Variants in ZBTB40 observed in about 807,000 individuals in gnomAD.
The protein encoded by ZBTB40 is zinc finger and BTB domain-containing protein 40.
In ZBTB40, 60 loss-of-function variants were observed where a neutral mutation model predicts 117.5. The observed-to-expected ratio is 0.51, with a 90% CI of 0.41 to 0.63. The LOEUF (loss-of-function observed/expected upper bound fraction) is 0.63, where lower values mean the gene tolerates loss of function less well. Ranked by LOEUF, ZBTB40 falls within the 30% of genes least tolerant of loss-of-function variation. The pLI is 0.00. For missense variants in ZBTB40, 1,287 were observed against 1,498.5 expected (o/e 0.86, Z 2.33); for synonymous variants, 525 against 577.1 (o/e 0.91, Z 1.29).
intron 1 of ZBTB40, among the ~76,000 whole-genome samples, chr1:22,482,559 C>A (rs1638352227): frequency 6.6e-6 from 1 of 152,158 alleles, no homozygotes; most frequent in South Asian, 2.1e-4. Context: ...TGGGTTTTGA[C>A]AAATGTATAA....
intron 1 of ZBTB40, among the ~76,000 whole-genome samples, chr1:22,489,570 C>T (rs1257301945): frequency 6.6e-6 from 1 of 152,090 alleles, no homozygotes; most frequent in African/African-American, 2.4e-5. Context: ...TAGGGTGATT[C>T]TCTTGGTCCT....
Position 22,509,159 on chromosome 1 carries a change from G to A in ZBTB40, c.1759G>A (p.Glu587Lys). ...TILRHNQLIL[E>K]AIQQKIEYKL... ...CCTGAGGCATAACCAGTTGATCTTG[G>A]AGGCCATCCAACAGAAGATTGAGTA... Residue 587 changes from glutamate to lysine, a missense_variant, in exon 9 of 18, where the codon GAG becomes AAG. Coordinates refer to ENST00000375647, the MANE Select transcript of ZBTB40 (RefSeq NM_014870.4). 1 of 1,614,068 alleles carries A rather than the reference G, an allele frequency of 6.2e-7. No individual in the cohort carries two copies. The highest frequency in any genetic ancestry group is 8.5e-7 in the Non-Finnish European group (1 of 1,180,014).
chr1:22,467,776 G>GTTT (rs35900750), intron 1 of ZBTB40, among the ~76,000 whole-genome samples: 1 of 130,476 alleles, frequency 7.7e-6, no homozygotes, highest in Non-Finnish European at 1.6e-5. Flanking sequence ...TGTCAGGCCT[G>GTTT]TTTTTTTTTT....
rs1034543680 is a variant in ZBTB40 at position 22,527,342 on chromosome 1, C to G, written c.*946C>G. The G allele has an allele frequency of 3.9e-5, 6 of 152,348 alleles. No homozygotes were observed. The highest frequency in any genetic ancestry group is 1.5e-5 in the Non-Finnish European group (1 of 68,044). 9.4% of individuals were successfully genotyped at this position (152,348 alleles called of 1,614,324 possible). ...GCCGTGACTGCCCGTGGCTCTGCTG[C>G]CGCCCACTCCCTGCCTTGTGAGTGG... On this transcript the variant is annotated 3_prime_UTR_variant, in exon 18 of 18. Transcript: ENST00000375647.
chr1:22,496,137 G>T (rs1474209808), intron 3 of ZBTB40, among the ~76,000 whole-genome samples: 1 of 152,208 alleles, frequency 6.6e-6, no homozygotes, highest in Non-Finnish European at 1.5e-5. Flanking sequence ...TTTGTGAGTG[G>T]CTGGGATACT....
chr1:22,490,733 A>T (rs1237019675), intron 2 of ZBTB40, 88 bp downstream of exon 2: 4 of 1,511,374 alleles, frequency 2.6e-6, no homozygotes, highest in Non-Finnish European at 3.6e-6. Flanking sequence ...ATCAAAGACC[A>T]CTGTTAGGTA....
chr1:22,451,510 T>G (rs1640868491), upstream of ZBTB40, among the ~76,000 whole-genome samples: 1 of 151,452 alleles, frequency 6.6e-6, no homozygotes, highest in African/African-American at 2.4e-5. Context: ...CAGGGCGTGG[T>G]GGCGCGCGCC....
At chr1:22,517,163 G>A (rs573000535) in intron 12 of ZBTB40, 137 bp from the exon 13 acceptor site, 20 of 1,209,304 alleles carry the variant, frequency 1.7e-5, no homozygotes, top group East Asian at 4.7e-5. Flanking sequence ...CTCACCCAGC[G>A]TATTGCAGAC....
chr1:22,514,681 A>T (rs2124463227), intron 12 of ZBTB40, among the ~76,000 whole-genome samples: 1 of 152,192 alleles, frequency 6.6e-6, no homozygotes, highest in African/African-American at 2.4e-5. Context: ...CCTGGTTTCC[A>T]TGCAGTATTT....
In ZBTB40 at chr1:22,464,901, A is replaced by G. The variant is rs78831582; in HGVS notation, c.-70+12897A>G. On this transcript the variant is annotated intron_variant, in intron 1 of 17. Coordinates refer to ENST00000375647, the MANE Select transcript of ZBTB40 (RefSeq NM_014870.4). ...TATTTATATGTAATTTACATACCATAGAATTTACCATTTTAAAGTGTACAA... is the reference window on the plus strand; with the variant it reads ...TATTTATATGTAATTTACATACCATGGAATTTACCATTTTAAAGTGTACAA... 9.2e-4 allele frequency among the ~76,000 whole-genome samples: 140 copies of G among 152,324 alleles called. 3 individuals are homozygous for G. The East Asian group carries it at 0.024, about 26-fold the overall frequency.
At chr1:22,488,124 C>T (rs1029986729) in intron 1 of ZBTB40, among the ~76,000 whole-genome samples, 4 of 152,176 alleles carry the variant, frequency 2.6e-5, no homozygotes. Flanking sequence ...CCTGGACTCT[C>T]CTATCCCCCA....
At chr1:22,475,401 G>A (rs1180675292) in intron 1 of ZBTB40, among the ~76,000 whole-genome samples, 1 of 152,202 alleles carries the variant, frequency 6.6e-6, no homozygotes, top group East Asian at 1.9e-4. Context: ...CCATCCCAGT[G>A]TCCATAACAG....
intron 2 of ZBTB40, 102 bp from the exon 3 acceptor site, chr1:22,491,298 T>C: frequency 8.6e-7 from 1 of 1,166,660 alleles, no homozygotes; most frequent in Non-Finnish European, 1.3e-6. Context: ...AGAGATCAGT[T>C]AAGTGCAGTA....
intron 16 of ZBTB40, among the ~76,000 whole-genome samples, 173 bp downstream of exon 16, chr1:22,522,636 T>C (rs1170529374): frequency 1.3e-5 from 2 of 152,208 alleles, no homozygotes; most frequent in African/African-American, 4.8e-5. Flanking sequence ...TGTGAAAAAC[T>C]GAAGGCCTTG....
chr1:22,454,051 G>A (rs1245036539), intron 1 of ZBTB40, among the ~76,000 whole-genome samples: 1 of 152,202 alleles, frequency 6.6e-6, no homozygotes, highest in African/African-American at 2.4e-5. Flanking sequence ...CCGGGTTCAA[G>A]TGATTCTTCT....
At chr1:22,521,236 T>G (rs918841836) in intron 14 of ZBTB40, among the ~76,000 whole-genome samples, 1 of 152,146 alleles carries the variant, frequency 6.6e-6, no homozygotes, top group East Asian at 1.9e-4. Flanking sequence ...ACCTCCCTCA[T>G]AGGCTTGTTG....
chr1:22,456,586 A>T (rs1036160614), intron 1 of ZBTB40, among the ~76,000 whole-genome samples: 2 of 152,220 alleles, frequency 1.3e-5, no homozygotes, highest in Non-Finnish European at 2.9e-5. Context: ...ACAATGAAAC[A>T]TCACATGTAA....
chr1:22,524,624 C>T (rs914663095), intron 17 of ZBTB40, among the ~76,000 whole-genome samples, 180 bp downstream of exon 17: 4 of 152,272 alleles, frequency 2.6e-5, no homozygotes, highest in Middle Eastern at 3.4e-3. Flanking sequence ...TGGGAAGTGG[C>T]CCTTAGGTAG....
At position 22,528,298 on chromosome 1, in the gene ZBTB40, T is replaced by C. The variant is rs765696272; in HGVS notation, c.*1902T>C. 8 of 152,446 alleles carry C rather than the reference T, an allele frequency of 5.2e-5. No homozygotes were observed. The highest frequency in any genetic ancestry group is 7.3e-5 in the Non-Finnish European group (5 of 68,032). The allele number at this position is 152,446 out of a possible 1,614,324, so 9.4% of individuals were successfully genotyped here. On this transcript the variant is annotated 3_prime_UTR_variant, in exon 18 of 18. Transcript: ENST00000375647. ...ATGCTTACAGGGCATTGGTGCCAAGTCCAGTGGATGAGAATCCAGCCCCTC... is the reference window on the plus strand; with the variant it reads ...ATGCTTACAGGGCATTGGTGCCAAGCCCAGTGGATGAGAATCCAGCCCCTC...
Sources: allele counts gnomAD v4.1 joint callset (sites outside exome capture counted in the v4.1 genomes callset), GRCh38; gene constraint gnomAD v4.1.1; transcripts MANE v1.5; gene names NCBI Gene and HGNC (gene_info 2026-07-23, HGNC 2026-07-21).